Variants in CD55 observed in about 807,000 individuals in gnomAD.
CD55 encodes complement decay-accelerating factor.
A neutral mutation model predicts 45.8 loss-of-function variants in CD55; 41 were observed. The observed-to-expected ratio is 0.90, with a 90% CI of 0.70 to 1.16. CD55 has a LOEUF of 1.16. Among genes scored for constraint, CD55 ranks in the 50% most tolerant of loss-of-function variants. CD55 has a pLI of 0.00. For missense variants in CD55, 416 were observed against 469.8 expected (o/e 0.89, Z 1.06); for synonymous variants, 181 against 181.1 (o/e 1.00, Z 0.01).
At chr1:207,351,787 C>CT (rs1655877258) in intron 9 of CD55, among the ~76,000 whole-genome samples, 1 of 152,002 alleles carries the variant, frequency 6.6e-6, no homozygotes, top group Admixed American at 6.5e-5. Flanking sequence ...TTTGAAATGC[C>CT]TTTTTTTCCT....
intron 7 of CD55, chr1:207,337,039 A>T (rs1655208667): frequency 4.8e-6 from 3 of 624,038 alleles, no homozygotes; most frequent in Non-Finnish European, 8.4e-6. Context: ...GAACCCTACC[A>T]ACTCTTCAGA....
chr1:207,359,515 A>AATTT, intron 9 of CD55, 31 bp from the exon 10 acceptor site: 5 of 697,260 alleles, frequency 7.2e-6, no homozygotes, highest in African/African-American at 3.3e-5. Context: ...TTTGATTTTA[A>AATTT]CTTTTTTTTT....
intron 9 of CD55, among the ~76,000 whole-genome samples, chr1:207,346,391 G>T (rs1169746352): frequency 1.3e-5 from 2 of 152,152 alleles, no homozygotes; most frequent in Admixed American, 6.6e-5. Context: ...TTGTCCTCAG[G>T]CCTCCCTGTG....
At chr1:207,341,100 C>A (rs1572890174) in intron 9 of CD55, among the ~76,000 whole-genome samples, 1 of 152,002 alleles carries the variant, frequency 6.6e-6, no homozygotes, top group African/African-American at 2.4e-5. Flanking sequence ...TGTCTTTTGC[C>A]CACTTTTTAG....
At chr1:207,330,429 G>A (rs1654891623) in intron 5 of CD55, among the ~76,000 whole-genome samples, 1 of 151,412 alleles carries the variant, frequency 6.6e-6, no homozygotes, top group African/African-American at 2.4e-5. Flanking sequence ...CCTTTTTACA[G>A]TATAACTAAA....
At chr1:207,350,621 C>T (rs759934289) in intron 9 of CD55, among the ~76,000 whole-genome samples, 1 of 152,008 alleles carries the variant, frequency 6.6e-6, no homozygotes, top group East Asian at 1.9e-4. Context: ...ATTTCTTCTA[C>T]GTTTTCTAGT....
intron 9 of CD55, among the ~76,000 whole-genome samples, chr1:207,357,189 G>A (rs1656109475): frequency 6.6e-6 from 1 of 152,084 alleles, no homozygotes; most frequent in Non-Finnish European, 1.5e-5. Flanking sequence ...AGGTCCAGGG[G>A]AGTGATTAAT....
intron 9 of CD55, among the ~76,000 whole-genome samples, chr1:207,348,948 G>C (rs1437902204): frequency 6.6e-6 from 1 of 152,148 alleles, no homozygotes; most frequent in Non-Finnish European, 1.5e-5. Context: ...CCAGTACCAT[G>C]CTGTTTTGGT....
chr1:207,340,391 G>T (rs1475590895), intron 9 of CD55: 25 of 452,898 alleles, frequency 5.5e-5, no homozygotes, highest in Admixed American at 8.5e-5. Context: ...TTTGAGACAG[G>T]TTCTCGTCCT....
At chr1:207,350,144 T>G (rs1287287035) in intron 9 of CD55, 2 of 454,252 alleles carry the variant, frequency 4.4e-6, no homozygotes, top group Admixed American at 4.7e-5. Context: ...GTAGTTCTGT[T>G]TATGTGATGA....
chr1:207,355,602 C>G (rs1197202937), intron 9 of CD55, among the ~76,000 whole-genome samples: 1 of 152,082 alleles, frequency 6.6e-6, no homozygotes, highest in African/African-American at 2.4e-5. Flanking sequence ...ATAGTTTGCC[C>G]TCCAATCTCA....
At chr1:207,342,849 C>T (rs1470922096) in intron 9 of CD55, among the ~76,000 whole-genome samples, 2 of 151,944 alleles carry the variant, frequency 1.3e-5, no homozygotes, top group Non-Finnish European at 2.9e-5. Context: ...TGTCAGGAGA[C>T]TTTTTATTAC....
At chr1:207,353,944 GA>G in intron 9 of CD55, 1 of 1,484,322 alleles carries the variant, frequency 6.7e-7, no homozygotes, top group Middle Eastern at 1.7e-4. Flanking sequence ...ATATAAGCAA[GA>G]ACAAAACCTT....
Position 207,346,045 on chromosome 1 carries a change from C to T in CD55, c.1081+6628C>T, listed in dbSNP as rs12354277. 4.9e-3 allele frequency among the ~76,000 whole-genome samples: 753 copies of T among 152,356 alleles called. 6 individuals are homozygous for T. Among genetic ancestry groups the T allele is most frequent in the African/African-American group, 0.017 (721 of 41,584 alleles). On this transcript the variant is annotated intron_variant, in intron 9 of 9. Coordinates refer to ENST00000367064, the MANE Select transcript of CD55 (RefSeq NM_000574.5). ...CCAATCAGGCCAGTTATTGGGTCTC[C>T]AGGTGGCTCACTTGGGTGCCAGAAA... is the stretch of plus-strand genomic sequence containing the variant.
In CD55 at chr1:207,359,768, A is replaced by AG; in HGVS notation, c.*159dup. ...TGTTAGGAATGTCAACAGAGCAAGG[A>AG]GAAAAAAGGCAGTCCTGGAATCACA... On this transcript the variant is annotated 3_prime_UTR_variant, in exon 10 of 10. Coordinates refer to ENST00000367064, the MANE Select transcript of CD55 (RefSeq NM_000574.5). The AG allele has an allele frequency of 1.1e-6, 1 of 950,680 alleles. No homozygotes were observed. The highest frequency in any genetic ancestry group is 2.4e-4 in the Middle Eastern group (1 of 4,250). The allele number at this position is 950,680 out of a possible 1,614,324, so 58.9% of individuals were successfully genotyped here.
chr1:207,334,037 G>A (rs1006697425), intron 6 of CD55, among the ~76,000 whole-genome samples: 2 of 152,078 alleles, frequency 1.3e-5, no homozygotes, highest in African/African-American at 2.4e-5. Flanking sequence ...AAGTACATTA[G>A]CCAACAGATT....
intron 9 of CD55, among the ~76,000 whole-genome samples, chr1:207,354,779 A>G (rs763704369): frequency 3.9e-5 from 6 of 152,148 alleles, no homozygotes; most frequent in Non-Finnish European, 7.4e-5. Flanking sequence ...AGATACGTAG[A>G]ATTTTGTTTT....
chr1:207,321,733 C>T lies in CD55; in HGVS notation c.-33C>T, dbSNP rs556370891. 20 of 1,465,914 alleles carry T rather than the reference C, an allele frequency of 1.4e-5. No individual in the cohort carries two copies. Among genetic ancestry groups the T allele is most frequent in the Non-Finnish European group, 1.6e-5 (18 of 1,109,210 alleles). 90.8% of individuals were successfully genotyped at this position (1,465,914 alleles called of 1,614,324 possible). ...GCGTAGCTGCGACTCGGCGGAGTCC[C>T]GGCGGCGCGTCCTTGTTCTAACCCG... On this transcript the variant is annotated 5_prime_UTR_variant, in exon 1 of 10. Coordinates refer to ENST00000367064, the MANE Select transcript of CD55 (RefSeq NM_000574.5).
chr1:207,349,656 TG>T (rs1033234130), intron 9 of CD55, among the ~76,000 whole-genome samples: 3 of 152,240 alleles, frequency 2.0e-5, no homozygotes, highest in Non-Finnish European at 4.4e-5. Context: ...TGAATAGGAT[TG>T]CATTCTTGAT....
Sources: gnomAD v4.1 joint callset for allele counts (sites outside exome capture counted in the v4.1 genomes callset) on GRCh38, gnomAD v4.1.1 for gene constraint, MANE v1.5 for transcripts, NCBI Gene and HGNC (gene_info 2026-07-23, HGNC 2026-07-21) for gene names.